TENM4: variants seen among roughly 807,000 people sequenced by gnomAD.
TENM4 encodes teneurin transmembrane protein 4, also known as teneurin-4.
TENM4 carries 82 observed loss-of-function variants against 243.3 expected under a neutral mutation model. That is an observed-to-expected ratio of 0.34 (90% confidence interval 0.28 to 0.40). The LOEUF (loss-of-function observed/expected upper bound fraction) is 0.40, where lower values mean the gene tolerates loss of function less well. Ranked by LOEUF, TENM4 falls within the 10% of genes least tolerant of loss-of-function variation. The pLI is 1.00. For missense variants in TENM4, 3,138 were observed against 3,673.3 expected (o/e 0.85, Z 3.77); for synonymous variants, 1,412 against 1,456.3 (o/e 0.97, Z 0.69).
At chr11:79,019,378 G>T (rs1025665060) in intron 6 of TENM4, among the ~76,000 whole-genome samples, 3 of 152,084 alleles carry the variant, frequency 2.0e-5, no homozygotes, top group African/African-American at 7.2e-5. Flanking sequence ...TACAGTGGAG[G>T]TCACAGAGTA....
intron 1 of TENM4, among the ~76,000 whole-genome samples, chr11:79,304,336 T>A (rs1445011848): frequency 2.0e-5 from 3 of 152,228 alleles, no homozygotes; most frequent in African/African-American, 7.2e-5. Context: ...GAGATGGAAG[T>A]ATCTACTCTT....
chr11:79,284,008 G>GACTT (rs1856204513), intron 2 of TENM4, among the ~76,000 whole-genome samples: 1 of 152,030 alleles, frequency 6.6e-6, no homozygotes. Context: ...AGAAGTGAAA[G>GACTT]ACTTGTATAC....
In TENM4 at chr11:79,048,411, C is replaced by T. The variant is rs568358604; in HGVS notation, c.493+16327G>A. Among the ~76,000 whole-genome samples the T allele has an allele frequency of 7.2e-5, 11 of 152,212 alleles. No homozygotes were observed. In the South Asian group the frequency reaches 8.3e-4, roughly 12 times the overall value. On this transcript the variant is annotated intron_variant, in intron 6 of 33. Coordinates refer to ENST00000278550, the MANE Select transcript of TENM4 (RefSeq NM_001098816.3). ...CTACATAAGATTTATGAAGATACCC[C>T]GGCAGAAGATTGCCCATTCCCTGAC...
At chr11:78,776,275 G>A (rs1290483835) in intron 17 of TENM4, among the ~76,000 whole-genome samples, 2 of 152,106 alleles carry the variant, frequency 1.3e-5, no homozygotes, top group South Asian at 2.1e-4. Context: ...GTTAAATTCC[G>A]CAATCTATAA....
intron 18 of TENM4, among the ~76,000 whole-genome samples, chr11:78,770,219 G>A (rs1209133088): frequency 6.6e-6 from 1 of 152,196 alleles, no homozygotes; most frequent in African/African-American, 2.4e-5. Flanking sequence ...ACACATTATG[G>A]TTGTATTTAC....
At position 78,962,088 on chromosome 11, in the gene TENM4, C is replaced by T. The variant is rs1040082087; in HGVS notation, c.494-58565G>A. 2.6e-5 allele frequency: 4 copies of T among 152,754 alleles called. No individual in the cohort carries two copies. The South Asian group carries it at 8.3e-4, about 32-fold the overall frequency. 9.5% of individuals were successfully genotyped at this position (152,754 alleles called of 1,614,324 possible). On this transcript the variant is annotated intron_variant, in intron 6 of 33. Transcript: ENST00000278550. ...AAGTGGCCCAAGCAGGCATCCGCAA[C>T]GGAAGGACAATTTTAAAAACAAACC...
At chr11:78,966,383 A>G (rs1018357185) in intron 6 of TENM4, among the ~76,000 whole-genome samples, 1 of 152,192 alleles carries the variant, frequency 6.6e-6, no homozygotes, top group Non-Finnish European at 1.5e-5. Flanking sequence ...AGCTGTCTTC[A>G]TGTTTTCTTT....
At chr11:78,710,372 A>C (rs1319240872) in intron 26 of TENM4, among the ~76,000 whole-genome samples, 1 of 152,172 alleles carries the variant, frequency 6.6e-6, no homozygotes. Context: ...AGGGTGCTTT[A>C]AGATGCCCAG....
chr11:78,701,576 G>A lies in TENM4; in HGVS notation c.5037C>T (p.Ser1679=), dbSNP rs563355492. 28 of 1,600,354 alleles carry A rather than the reference G, an allele frequency of 1.7e-5. No individual in the cohort carries two copies. Among genetic ancestry groups the A allele is most frequent in the Middle Eastern group, 1.7e-4 (1 of 6,016 alleles). ...ELAMMTYHGN[S]GLLATKSNEN... is the part of the protein sequence containing the mutation. The stretch of plus-strand genomic sequence containing the variant: ...CATTGCTTTTGGTTGCCAGAAGGCC[G>A]GAATTGCCATGGTATGTCATCATGG... The change falls in exon 28 of 34, where the codon TCC becomes TCT. Residue 1679 remains serine, a synonymous_variant. Transcript: ENST00000278550.
At chr11:78,855,215 T>C (rs1858650413) in intron 11 of TENM4, among the ~76,000 whole-genome samples, 1 of 152,228 alleles carries the variant, frequency 6.6e-6, no homozygotes, top group Admixed American at 6.5e-5. Context: ...CATATCTGTC[T>C]TTTAGCTAAA....
At chr11:79,348,959 C>G (rs1208882099) in intron 1 of TENM4, among the ~76,000 whole-genome samples, 1 of 152,138 alleles carries the variant, frequency 6.6e-6, no homozygotes, top group Non-Finnish European at 1.5e-5. Context: ...ATCGAAGTGC[C>G]TAACTGGAAA....
chr11:79,111,746 A>AAG (rs1861513592), intron 4 of TENM4, among the ~76,000 whole-genome samples: 1 of 152,168 alleles, frequency 6.6e-6, no homozygotes, highest in Non-Finnish European at 1.5e-5. Context: ...ACATGCTAGT[A>AAG]AGAGAGGCTG....
chr11:78,687,052 G>A (rs1274527670), intron 29 of TENM4, among the ~76,000 whole-genome samples: 1 of 152,180 alleles, frequency 6.6e-6, no homozygotes, highest in Non-Finnish European at 1.5e-5. Context: ...GAGATCGACT[G>A]AGCAGCCCTG....
Position 78,856,070 on chromosome 11 carries a change from T to C in TENM4, c.1364A>G (p.Gln455Arg). 6.4e-7 allele frequency: 1 copy of C among 1,551,162 alleles called. No homozygotes were observed. Among genetic ancestry groups the C allele is most frequent in the Non-Finnish European group, 8.7e-7 (1 of 1,146,504 alleles). The change falls in exon 11 of 34, where the codon CAA (glutamine) becomes CGA (arginine). Residue 455 changes from glutamine to arginine, a missense_variant. Coordinates refer to ENST00000278550, the MANE Select transcript of TENM4 (RefSeq NM_001098816.3). ...KIPPGTFWRS[Q>R]VFIDHPVHLK... ...ATGCACAGGATGGTCTATGAACACT[T>C]GAGATCTCCAGAAAGTGCCAGGAGG...
intron 1 of TENM4, among the ~76,000 whole-genome samples, chr11:79,388,492 A>G (rs760300981): frequency 1.7e-4 from 26 of 152,360 alleles, no homozygotes; most frequent in Non-Finnish European, 2.1e-4. Flanking sequence ...TGATTATTGT[A>G]CCAGGAATAG....
chr11:78,948,374 CTTTTTTT>C (rs200520007), intron 6 of TENM4, among the ~76,000 whole-genome samples: 1 of 138,762 alleles, frequency 7.2e-6, no homozygotes, highest in African/African-American at 2.7e-5. Flanking sequence ...TCCCAACTGT[CTTTTTTT>C]TTTTTTTTTT....
At chr11:79,270,170 C>T (rs1276892752) in intron 2 of TENM4, among the ~76,000 whole-genome samples, 1 of 152,248 alleles carries the variant, frequency 6.6e-6, no homozygotes, top group Non-Finnish European at 1.5e-5. Flanking sequence ...GGCTTAGCTC[C>T]CTCTGTTGTT....
chr11:78,932,393 G>A (rs930357303), intron 6 of TENM4, among the ~76,000 whole-genome samples: 3 of 152,166 alleles, frequency 2.0e-5, no homozygotes, highest in Non-Finnish European at 4.4e-5. Context: ...TGTGGCCTCC[G>A]ATTTGCCCTC....
Position 78,793,397 on chromosome 11 carries a change from C to T in TENM4, c.2180-6314G>A, listed in dbSNP as rs887856344. On this transcript the variant is annotated intron_variant, in intron 15 of 33. Coordinates refer to ENST00000278550, the MANE Select transcript of TENM4 (RefSeq NM_001098816.3). ...CCCGGGACCTCCTGGGAAGTCCTTTCATAAGTCTGCATTTAGCACTAGAAG... is the reference window on the plus strand; with the variant it reads ...CCCGGGACCTCCTGGGAAGTCCTTTTATAAGTCTGCATTTAGCACTAGAAG... Among the ~76,000 whole-genome samples the T allele has an allele frequency of 2.0e-5, 3 of 152,272 alleles. No individual in the cohort carries two copies. In the South Asian group the frequency reaches 6.2e-4, roughly 32 times the overall value.
Sources: gnomAD v4.1 joint callset for allele counts (sites outside exome capture counted in the v4.1 genomes callset) on GRCh38, gnomAD v4.1.1 for gene constraint, MANE v1.5 for transcripts, NCBI Gene and HGNC (gene_info 2026-07-23, HGNC 2026-07-21) for gene names.